Variants in ANKDD1B observed in about 807,000 individuals in gnomAD.
ANKDD1B encodes ankyrin repeat and death domain-containing protein 1B.
Under a neutral mutation model 59.7 loss-of-function variants are expected in ANKDD1B, and 57 were observed. That is an observed-to-expected ratio of 0.95 (90% CI 0.77 to 1.19). The LOEUF (loss-of-function observed/expected upper bound fraction) is 1.19. Ranked by LOEUF, ANKDD1B falls within the 50% of genes most tolerant of loss-of-function variation. The pLI is 0.00. For synonymous variants in ANKDD1B, 216 were observed against 239.5 expected, an observed-to-expected ratio of 0.90 and a Z score of 0.91; for missense variants, 602 against 641.9, an observed-to-expected ratio of 0.94 and a Z score of 0.67.
chr5:75,659,889 AT>A (rs1561449584), intron 10 of ANKDD1B, among the ~76,000 whole-genome samples: 1 of 151,860 alleles, frequency 6.6e-6, no homozygotes, highest in African/African-American at 2.4e-5. Context: ...TTTTAGCATT[AT>A]TAAGTGGAGA....
At chr5:75,666,387 G>T (rs755870222) in intron 11 of ANKDD1B, among the ~76,000 whole-genome samples, 1 of 152,100 alleles carries the variant, frequency 6.6e-6, no homozygotes, top group Non-Finnish European at 1.5e-5. Context: ...GCCAATCTGG[G>T]CTCACCGAAG....
chr5:75,634,269 A>C (rs1774240062), intron 5 of ANKDD1B, among the ~76,000 whole-genome samples: 1 of 152,242 alleles, frequency 6.6e-6, no homozygotes, highest in Non-Finnish European at 1.5e-5. Flanking sequence ...CTTCTAAAAA[A>C]ATCAAACCTA....
At chr5:75,646,794 T>G (rs1391085502) in intron 7 of ANKDD1B, among the ~76,000 whole-genome samples, 1 of 114,194 alleles carries the variant, frequency 8.8e-6, no homozygotes, top group Non-Finnish European at 1.6e-5. Context: ...CATCGCCAAG[T>G]CAATCCTAAG....
At chr5:75,629,051 C>G (rs1001726273) in intron 5 of ANKDD1B, among the ~76,000 whole-genome samples, 5 of 152,060 alleles carry the variant, frequency 3.3e-5, no homozygotes, top group Non-Finnish European at 7.4e-5. Flanking sequence ...TTTAAAGTCT[C>G]TGGAAGTCAA....
rs201281917 is a variant in ANKDD1B, at chr5:75,637,439, TCA to T, written c.798+1560_798+1561del. On this transcript the variant is annotated intron_variant, in intron 7 of 13. Coordinates refer to ENST00000601380, the MANE Select transcript of ANKDD1B (RefSeq NM_001276713.2). ...CAGGTCAGTGGGGTCCTCTTGGATT[TCA>T]CAGTTTAATGTTCTGATCATTTCTA... 1.3e-3 allele frequency among the ~76,000 whole-genome samples: 199 copies of T among 152,020 alleles called. 1 individual carries two copies. Among genetic ancestry groups the T allele is most frequent in the African/African-American group, 4.2e-3 (175 of 41,444 alleles).
At chr5:75,641,585 A>G (rs1774462648) in intron 7 of ANKDD1B, among the ~76,000 whole-genome samples, 2 of 152,248 alleles carry the variant, frequency 1.3e-5, no homozygotes, top group Admixed American at 1.3e-4. Flanking sequence ...AGCACAGTAT[A>G]TAATATATGC....
At chr5:75,612,350 T>TCCGCCCCCGCCCTCCGTCCC (rs1410849517) in intron 1 of ANKDD1B, among the ~76,000 whole-genome samples, 1 of 44,788 alleles carries the variant, frequency 2.2e-5, no homozygotes, top group African/African-American at 6.9e-5. Flanking sequence ...GCCCCCGCCC[T>TCCGCCCCCGCCCTCCGTCCC]CCGCCCCGCG....
chr5:75,630,296 A>G (rs1774114842), intron 5 of ANKDD1B, among the ~76,000 whole-genome samples: 1 of 152,230 alleles, frequency 6.6e-6, no homozygotes, highest in South Asian at 2.1e-4. Flanking sequence ...GTACTCAATG[A>G]GAGAAAAGAT....
chr5:75,657,134 C>A (rs757510338), intron 9 of ANKDD1B, among the ~76,000 whole-genome samples: 2 of 152,170 alleles, frequency 1.3e-5, no homozygotes, highest in Admixed American at 1.3e-4. Context: ...TAAAATCTTT[C>A]CCAATGGGCA....
Position 75,611,836 on chromosome 5 carries a change from CG to C in ANKDD1B, c.193+12del, listed in dbSNP as rs568642479. 1.8e-3 allele frequency: 2,228 copies of C among 1,231,960 alleles called. 24 individuals are homozygous for C. In the African/African-American group the frequency reaches 0.025, roughly 14 times the overall value. The allele number at this position is 1,231,960 out of a possible 1,614,324, so 76.3% of individuals were successfully genotyped here. On this transcript the variant is annotated intron_variant, in intron 1 of 13. Transcript: ENST00000601380. ...TGCCGGACACGAGCTCCGTGAGTCC[CG>C]GGACGAGGTCTCAGAAAATCAGGCT...
chr5:75,620,864 A>G (rs1025970751), intron 3 of ANKDD1B, among the ~76,000 whole-genome samples: 2 of 152,174 alleles, frequency 1.3e-5, no homozygotes, highest in Non-Finnish European at 2.9e-5. Flanking sequence ...CATCGTCTCC[A>G]TGATCAGCTC....
chr5:75,669,662 G>A (rs1378944888), intron 13 of ANKDD1B, among the ~76,000 whole-genome samples: 1 of 152,136 alleles, frequency 6.6e-6, no homozygotes, highest in East Asian at 1.9e-4. Flanking sequence ...TGTATGTGTG[G>A]TGGGGGCAGG....
At chr5:75,629,723 T>C (rs1395629731) in intron 5 of ANKDD1B, among the ~76,000 whole-genome samples, 1 of 151,868 alleles carries the variant, frequency 6.6e-6, no homozygotes, top group Non-Finnish European at 1.5e-5. Flanking sequence ...TCTCTTGAGC[T>C]CAGGAGTTTG....
intron 7 of ANKDD1B, among the ~76,000 whole-genome samples, chr5:75,652,300 T>A (rs534662000): frequency 6.6e-6 from 1 of 152,292 alleles, no homozygotes; most frequent in South Asian, 2.1e-4. Flanking sequence ...AAACATTCAG[T>A]CTGTTGCACA....
rs143533779 is a variant in ANKDD1B, at chr5:75,616,679, G to A, written c.194-125G>A. 629 of 504,912 alleles carry A rather than the reference G, an allele frequency of 1.2e-3. 3 individuals carry two copies. The highest frequency in any genetic ancestry group is 6.8e-3 in the Admixed American group (203 of 29,846). The allele number at this position is 504,912 out of a possible 1,614,324, so 31.3% of individuals were successfully genotyped here. On this transcript the variant is annotated intron_variant, in intron 1 of 13. Transcript: ENST00000601380. ...TAAGATATTGAAGCGAAGTTCCCAT[G>A]TCTTAAATAAAACAGCAAAATGTGA...
At chr5:75,650,235 A>G (rs1393163703) in intron 7 of ANKDD1B, among the ~76,000 whole-genome samples, 2 of 152,224 alleles carry the variant, frequency 1.3e-5, no homozygotes, top group East Asian at 3.9e-4. Flanking sequence ...TTAAAATGAG[A>G]TTCTCCTGGA....
intron 2 of ANKDD1B, among the ~76,000 whole-genome samples, chr5:75,618,666 G>T (rs1233096923): frequency 6.6e-6 from 1 of 152,132 alleles, no homozygotes; most frequent in Non-Finnish European, 1.5e-5. Flanking sequence ...TAATAGTGGA[G>T]CTTATAAGCC....
At chr5:75,639,984 G>T (rs1862311) in intron 7 of ANKDD1B, among the ~76,000 whole-genome samples, 1 of 151,722 alleles carries the variant, frequency 6.6e-6, no homozygotes, top group Non-Finnish European at 1.5e-5. Flanking sequence ...TGGTACAAAC[G>T]TACTTCTAAT....
intron 13 of ANKDD1B, among the ~76,000 whole-genome samples, chr5:75,669,879 A>G (rs1775427305): frequency 6.6e-6 from 1 of 152,240 alleles, no homozygotes; most frequent in African/African-American, 2.4e-5. Flanking sequence ...CAGTCTGCCA[A>G]AATCACTGAC....
Sources: gnomAD v4.1 joint callset for allele counts (sites outside exome capture counted in the v4.1 genomes callset) on GRCh38, gnomAD v4.1.1 for gene constraint, MANE v1.5 for transcripts, NCBI Gene and HGNC (gene_info 2026-07-23, HGNC 2026-07-21) for gene names.